Variants in SLX9 observed in about 807,000 individuals in gnomAD.
SLX9 encodes the protein SLX9 ribosome biogenesis factor, also known as ribosome biogenesis protein SLX9 homolog.
A neutral mutation model predicts 20.8 loss-of-function variants in SLX9; 19 were observed. That is an observed-to-expected ratio of 0.91 (90% CI 0.64 to 1.34). The LOEUF (loss-of-function observed/expected upper bound fraction) is 1.34. Ranked by LOEUF, SLX9 falls within the 40% of genes most tolerant of loss-of-function variation. SLX9 has a pLI of 0.00. For synonymous variants in SLX9, 113 were observed against 137.1 expected, an observed-to-expected ratio of 0.82 and a Z score of 1.23; for missense variants, 299 against 322.2, an observed-to-expected ratio of 0.93 and a Z score of 0.55.
intron 2 of SLX9, among the ~76,000 whole-genome samples, chr21:44,946,606 G>A (rs1218703566): frequency 6.6e-6 from 1 of 152,224 alleles, no homozygotes; most frequent in African/African-American, 2.4e-5. Context: ...CTCCAAAATG[G>A]TGCCTTGGAG....
chr21:44,971,436 G>T (rs1274190547), intron 4 of SLX9, among the ~76,000 whole-genome samples: 1 of 152,150 alleles, frequency 6.6e-6, no homozygotes, highest in Non-Finnish European at 1.5e-5. Context: ...GGACGCGTGG[G>T]TGGGGGACGG....
chr21:44,957,076 C>T (rs1345060011), intron 2 of SLX9, among the ~76,000 whole-genome samples: 1 of 152,236 alleles, frequency 6.6e-6, no homozygotes, highest in Non-Finnish European at 1.5e-5. Context: ...TTTTAGGCAG[C>T]CTGTACCTGC....
chr21:44,944,935 G>GGT (rs1568928065), intron 2 of SLX9, among the ~76,000 whole-genome samples: 1 of 152,244 alleles, frequency 6.6e-6, no homozygotes, highest in African/African-American at 2.4e-5. Flanking sequence ...TTTGAGATGA[G>GGT]GTAGTTGGTG....
intron 4 of SLX9, among the ~76,000 whole-genome samples, chr21:44,972,039 G>C (rs1167192237): frequency 6.6e-6 from 1 of 152,188 alleles, no homozygotes; most frequent in Non-Finnish European, 1.5e-5. Flanking sequence ...GGTGCTGAGG[G>C]CTATTTTGGG....
At chr21:44,955,623 T>G (rs1272403490) in intron 2 of SLX9, among the ~76,000 whole-genome samples, 1 of 152,124 alleles carries the variant, frequency 6.6e-6, no homozygotes, top group Non-Finnish European at 1.5e-5. Flanking sequence ...TCACGCAATC[T>G]TCCCTCCCAC....
chr21:44,958,644 G>A (rs796588830), intron 2 of SLX9, among the ~76,000 whole-genome samples: 17 of 152,376 alleles, frequency 1.1e-4, no homozygotes, highest in African/African-American at 3.8e-4. Flanking sequence ...GCGTGAACCT[G>A]TGCCGGAGCA....
intron 4 of SLX9, among the ~76,000 whole-genome samples, chr21:44,970,733 C>T (rs1325458007): frequency 6.6e-6 from 1 of 152,188 alleles, no homozygotes; most frequent in Non-Finnish European, 1.5e-5. Flanking sequence ...GGTGGACAGC[C>T]TCTCCCTCCC....
chr21:44,962,216 A>G (rs1341328146), intron 3 of SLX9, among the ~76,000 whole-genome samples: 1 of 152,078 alleles, frequency 6.6e-6, no homozygotes, highest in Non-Finnish European at 1.5e-5. Flanking sequence ...AAAGTGTGCC[A>G]TTCAATGATT....
intron 2 of SLX9, among the ~76,000 whole-genome samples, chr21:44,955,784 G>C (rs2084846552): frequency 6.6e-6 from 1 of 152,228 alleles, no homozygotes; most frequent in Non-Finnish European, 1.5e-5. Context: ...GTTGTCCGAT[G>C]CACCCAGCTC....
Position 44,941,461 on chromosome 21 carries a change from T to C in SLX9, c.129+1275T>C, listed in dbSNP as rs868549360. 3.3e-5 allele frequency among the ~76,000 whole-genome samples: 5 copies of C among 152,244 alleles called. No homozygotes were observed. In the South Asian group the frequency reaches 1.0e-3, roughly 32 times the overall value. On this transcript the variant is annotated intron_variant, in intron 1 of 5. Coordinates refer to ENST00000291634, the MANE Select transcript of SLX9 (RefSeq NM_058190.4). ...CTCTGATGTGCCCCCTTGGTTTTTTTTTTTTCTTCCTGTTTTTCTCTTTTA... is the reference window on the plus strand; with the variant it reads ...CTCTGATGTGCCCCCTTGGTTTTTTCTTTTTCTTCCTGTTTTTCTCTTTTA...
intron 4 of SLX9, chr21:44,972,959 G>A (rs1054428451): frequency 3.4e-6 from 2 of 591,088 alleles, no homozygotes; most frequent in Middle Eastern, 8.4e-4. Context: ...GTCACAGGAC[G>A]GTCAGGCAGT....
Position 44,940,044 on chromosome 21 carries a change from G to T in SLX9, c.-14G>T. The T allele has an allele frequency of 7.0e-7, 1 of 1,438,248 alleles. No individual in the cohort carries two copies. Among genetic ancestry groups the T allele is most frequent in the South Asian group, 1.5e-5 (1 of 67,822 alleles). The allele number at this position is 1,438,248 out of a possible 1,614,324, so 89.1% of individuals were successfully genotyped here. On this transcript the variant is annotated 5_prime_UTR_variant, in exon 1 of 6. Transcript: ENST00000291634. ...GGGAGGCGCTCCGCACGTTTGCCGT[G>T]CTCCGCCGGGAAGATGGGGAAAGTG...
intron 4 of SLX9, among the ~76,000 whole-genome samples, chr21:44,972,559 C>A (rs1019332735): frequency 6.6e-6 from 1 of 152,188 alleles, no homozygotes; most frequent in Non-Finnish European, 1.5e-5. Context: ...CTCGTTGGCA[C>A]CCCCCGCAGG....
rs547365665 is a variant in SLX9, at chr21:44,944,883, G to A, written c.283+1046G>A. Among the ~76,000 whole-genome samples, 198 of 152,388 alleles carry A rather than the reference G, an allele frequency of 1.3e-3. 1 individual carries two copies. Among genetic ancestry groups the A allele is most frequent in the Non-Finnish European group, 2.3e-3 (154 of 68,044 alleles). ...GGGCCTGGGCTTTGCATCTGTCAAAGGAGGTAACAGTATTTATCTCCTAAG... is the reference window on the plus strand; with the variant it reads ...GGGCCTGGGCTTTGCATCTGTCAAAAGAGGTAACAGTATTTATCTCCTAAG... On this transcript the variant is annotated intron_variant, in intron 2 of 5. Transcript: ENST00000291634.
chr21:44,940,255 C>G, intron 1 of SLX9, 69 bp downstream of exon 1: 1 of 1,196,746 alleles, frequency 8.4e-7, no homozygotes, highest in Non-Finnish European at 1.0e-6. Flanking sequence ...CGGGGCGCCG[C>G]CTCCGGGAGG....
chr21:44,976,316 C>G (rs1255874436), intron 5 of SLX9, among the ~76,000 whole-genome samples: 1 of 151,286 alleles, frequency 6.6e-6, no homozygotes, highest in African/African-American at 2.5e-5. Flanking sequence ...CTGTGTGCAC[C>G]TATTTTGGTT....
chr21:44,940,033 A>T lies in SLX9; in HGVS notation c.-25A>T. The T allele has an allele frequency of 2.1e-6, 3 of 1,409,178 alleles. No individual in the cohort carries two copies. Among genetic ancestry groups the T allele is most frequent in the Non-Finnish European group, 2.8e-6 (3 of 1,082,748 alleles). The allele number at this position is 1,409,178 out of a possible 1,614,324, so 87.3% of individuals were successfully genotyped here. ...GACCAGCTTCCGGGAGGCGCTCCGC[A>T]CGTTTGCCGTGCTCCGCCGGGAAGA... On this transcript the variant is annotated 5_prime_UTR_variant, in exon 1 of 6. Coordinates refer to ENST00000291634, the MANE Select transcript of SLX9 (RefSeq NM_058190.4).
chr21:44,960,467 G>A lies in SLX9; in HGVS notation c.352+299G>A, dbSNP rs1055487912. 2.0e-5 allele frequency among the ~76,000 whole-genome samples: 3 copies of A among 152,260 alleles called. No homozygotes were observed. The East Asian group carries it at 5.8e-4, about 29-fold the overall frequency. On this transcript the variant is annotated intron_variant, in intron 3 of 5. Transcript: ENST00000291634. ...GCTGGGCTGCCTCCCTTTGGAGGAC[G>A]GCCTTGGGAAGCTGCTGCTCTCGGC...
rs988150550 is a variant in SLX9 at position 44,943,705 on chromosome 21, A to G, written c.151A>G (p.Asn51Asp). The change falls in exon 2 of 6, where the codon AAC (asparagine) becomes GAC (aspartate). Residue 51 changes from asparagine to aspartate, a missense_variant. Transcript: ENST00000291634. ...TTAGGACTGGGCGTTCATCAACACC[A>G]ACATCTTTGCCAGGACCAAGATAGA... ...AGKDWAFINT[N>D]IFARTKIDPS... 1.2e-6 allele frequency: 2 copies of G among 1,614,014 alleles called. No individual in the cohort carries two copies. The highest frequency in any genetic ancestry group is 2.2e-5 in the East Asian group (1 of 44,890).
Sources: gnomAD v4.1 joint callset for allele counts (sites outside exome capture counted in the v4.1 genomes callset) on GRCh38, gnomAD v4.1.1 for gene constraint, MANE v1.5 for transcripts, NCBI Gene and HGNC (gene_info 2026-07-23, HGNC 2026-07-21) for gene names.